The following PRDM2 variants were observed in gnomAD, a reference collection of about 807,000 sequenced individuals.
The protein encoded by PRDM2 is PR domain zinc finger protein 2.
In PRDM2, 30 loss-of-function variants were observed where a neutral mutation model predicts 130.0. The observed-to-expected ratio is 0.23, with a 90% CI of 0.17 to 0.31. The LOEUF (loss-of-function observed/expected upper bound fraction) is 0.31, where lower values mean the gene tolerates loss of function less well. Ranked by LOEUF, PRDM2 falls within the 10% of genes least tolerant of loss-of-function variation. The probability of loss-of-function intolerance (pLI) is 1.00; values close to 1 mark genes in which losing one functional copy is unlikely to be tolerated. For synonymous variants in PRDM2, 871 were observed against 782.4 expected, an observed-to-expected ratio of 1.11 and a Z score of -1.89; for missense variants, 2,011 against 2,108.4, an observed-to-expected ratio of 0.95 and a Z score of 0.90.
chr1:13,700,684 C>T (rs965691625), intron 1 of PRDM2, among the ~76,000 whole-genome samples: 17 of 152,104 alleles, frequency 1.1e-4, no homozygotes, highest in African/African-American at 4.1e-4. Flanking sequence ...TGGGGCCGGG[C>T]GCCGTCCCAA....
At chr1:13,755,591 T>A (rs1446959975) in intron 6 of PRDM2, among the ~76,000 whole-genome samples, 1 of 152,180 alleles carries the variant, frequency 6.6e-6, no homozygotes, top group African/African-American at 2.4e-5. Flanking sequence ...CCTAATTTCC[T>A]GTGTTTTCCT....
intron 2 of PRDM2, among the ~76,000 whole-genome samples, chr1:13,716,806 C>T (rs1011552244): frequency 2.0e-5 from 3 of 152,064 alleles, no homozygotes; most frequent in African/African-American, 4.8e-5. Context: ...TTAAAATGTT[C>T]ATAAGCACTT....
chr1:13,749,582 CGGG>C, intron 6 of PRDM2, 95 bp downstream of exon 6: 2 of 857,538 alleles, frequency 2.3e-6, no homozygotes, highest in Non-Finnish European at 2.8e-6. Flanking sequence ...GACCGCGAGG[CGGG>C]TCGCGGGCTC....
At chr1:13,760,180 C>T (rs574429478) in intron 6 of PRDM2, among the ~76,000 whole-genome samples, 90 of 152,246 alleles carry the variant, frequency 5.9e-4, no homozygotes, top group African/African-American at 1.9e-3. Flanking sequence ...GTGATACTTA[C>T]TCAATTTCTG....
At position 13,771,144 on chromosome 1, in the gene PRDM2, A is replaced by T. The variant is rs1194950272; in HGVS notation, c.512-1934A>T. ...AAAATGCTGTTAAGTTGACAAAGGG[A>T]GAAAGAGTCACAAGAGGACGTTATG... is the stretch of plus-strand genomic sequence containing the variant. On this transcript the variant is annotated intron_variant, in intron 6 of 9. Coordinates refer to ENST00000311066, the MANE Select transcript of PRDM2 (RefSeq NM_001393986.1). The surrounding 1 kb of genome is among the most constrained non-coding windows in gnomAD (Gnocchi z 4.1). Among the ~76,000 whole-genome samples the T allele has an allele frequency of 6.6e-6, 1 of 152,208 alleles. No homozygotes were observed. Among genetic ancestry groups the T allele is most frequent in the Non-Finnish European group, 1.5e-5 (1 of 68,042 alleles).
chr1:13,767,246 A>G (rs796220077), intron 6 of PRDM2, among the ~76,000 whole-genome samples: 32 of 152,276 alleles, frequency 2.1e-4, no homozygotes, highest in African/African-American at 7.7e-4. Context: ...AAATAAAAAA[A>G]AGCATTCCAA....
intron 7 of PRDM2, among the ~76,000 whole-genome samples, chr1:13,777,297 C>G (rs371384710): frequency 2.0e-5 from 3 of 152,096 alleles, no homozygotes; most frequent in South Asian, 2.1e-4. Flanking sequence ...CATTGGGCCC[C>G]ATCTTTCCAT....
chr1:13,738,168 G>C (rs1002581747), intron 4 of PRDM2, among the ~76,000 whole-genome samples: 1 of 152,058 alleles, frequency 6.6e-6, no homozygotes, highest in Non-Finnish European at 1.5e-5. Flanking sequence ...ATTAGTCCTG[G>C]AATCAGGCCA....
intron 8 of PRDM2, among the ~76,000 whole-genome samples, chr1:13,784,723 G>T (rs934252072): frequency 6.6e-6 from 1 of 152,150 alleles, no homozygotes; most frequent in Admixed American, 6.5e-5. Flanking sequence ...TACCTTGCTG[G>T]AGTGAAATTT....
intron 5 of PRDM2, among the ~76,000 whole-genome samples, 196 bp downstream of exon 5, chr1:13,742,353 C>T (rs1162256411): frequency 1.3e-5 from 2 of 152,172 alleles, no homozygotes; most frequent in Non-Finnish European, 2.9e-5. Flanking sequence ...GGGCACATGC[C>T]ACCACACCCG....
At chr1:13,708,349 G>A (rs747377299) in intron 1 of PRDM2, among the ~76,000 whole-genome samples, 3 of 152,114 alleles carry the variant, frequency 2.0e-5, no homozygotes, top group Non-Finnish European at 4.4e-5. Flanking sequence ...CATTGGAGCC[G>A]GAGGGCTGTT....
intron 8 of PRDM2, among the ~76,000 whole-genome samples, chr1:13,801,751 G>A (rs1382407981): frequency 2.6e-5 from 4 of 152,344 alleles, no homozygotes; most frequent in East Asian, 1.9e-4. Flanking sequence ...CAGCGTCTGC[G>A]GGAACCAGTT....
chr1:13,714,059 C>T (rs1043337035), intron 1 of PRDM2, among the ~76,000 whole-genome samples: 10 of 152,064 alleles, frequency 6.6e-5, no homozygotes, highest in Admixed American at 2.0e-4. Flanking sequence ...TTAGTAGAGA[C>T]GGGGTTTCAC....
At chr1:13,722,547 A>G (rs1642764800) in intron 2 of PRDM2, among the ~76,000 whole-genome samples, 1 of 152,094 alleles carries the variant, frequency 6.6e-6, no homozygotes, top group African/African-American at 2.4e-5. Context: ...AACAAACCCC[A>G]TCTGAGATGA....
intron 8 of PRDM2, among the ~76,000 whole-genome samples, chr1:13,809,151 A>C (rs1243169640): frequency 6.6e-6 from 1 of 152,234 alleles, no homozygotes; most frequent in Non-Finnish European, 1.5e-5. Context: ...AGGGCAGTGC[A>C]GGCTGGACTT....
chr1:13,776,585 A>G (rs1032025996), intron 7 of PRDM2, among the ~76,000 whole-genome samples: 3 of 152,010 alleles, frequency 2.0e-5, no homozygotes, highest in South Asian at 2.1e-4. Flanking sequence ...ATCTCCTTCC[A>G]TTCTCTTAGG....
chr1:13,816,197 C>T lies in PRDM2; in HGVS notation c.5037-230C>T, dbSNP rs189306593. Among the ~76,000 whole-genome samples the T allele has an allele frequency of 9.8e-5, 15 of 152,296 alleles. No individual in the cohort carries two copies. The East Asian group carries it at 2.7e-3, about 27-fold the overall frequency. The stretch of plus-strand genomic sequence containing the variant: ...CTCCTCTTGCCCGTGCTTCTGCGAT[C>T]GCCTCCGAGGGGAGAGAATTGGTGG... On this transcript the variant is annotated intron_variant, in intron 8 of 9. Coordinates refer to ENST00000311066, the MANE Select transcript of PRDM2 (RefSeq NM_001393986.1).
intron 1 of PRDM2, among the ~76,000 whole-genome samples, chr1:13,707,046 C>T (rs1469601307): frequency 6.6e-6 from 1 of 151,834 alleles, no homozygotes; most frequent in Non-Finnish European, 1.5e-5. Context: ...TGCCTGACAC[C>T]GTAGCAAAAG....
At chr1:13,737,926 G>C (rs1643320901) in intron 4 of PRDM2, among the ~76,000 whole-genome samples, 1 of 152,030 alleles carries the variant, frequency 6.6e-6, no homozygotes, top group Admixed American at 6.6e-5. Context: ...ATACCTCATG[G>C]AAATTTTTAT....
Sources: gnomAD v4.1 joint callset for allele counts (sites outside exome capture counted in the v4.1 genomes callset) on GRCh38, gnomAD v4.1.1 for gene constraint, Gnocchi (gnomAD v3.1) non-coding constraint, MANE v1.5 for transcripts, NCBI Gene and HGNC (gene_info 2026-07-23, HGNC 2026-07-21) for gene names.